ABHD12: variants seen among roughly 807,000 people sequenced by gnomAD.
ABHD12 encodes abhydrolase domain containing 12, lysophospholipase, also known as lysophosphatidylserine lipase ABHD12.
In ABHD12, 43 loss-of-function variants were observed where a neutral mutation model predicts 58.3. The ratio of observed to expected loss-of-function variants is 0.74; its 90% confidence interval spans 0.58 to 0.95. The LOEUF (loss-of-function observed/expected upper bound fraction) is 0.95, where lower values mean the gene tolerates loss of function less well. Among genes scored for constraint, ABHD12 ranks in the 40% least tolerant of loss-of-function variants. The probability of loss-of-function intolerance (pLI) is 0.00; values close to 1 mark genes in which losing one functional copy is unlikely to be tolerated. For missense variants in ABHD12, 539 were observed against 537.2 expected (o/e 1.00, Z -0.03); for synonymous variants, 219 against 211.2 (o/e 1.04, Z -0.32).
intron 1 of ABHD12, chr20:25,368,541 ACT>A (rs1262325237): frequency 7.0e-7 from 1 of 1,437,520 alleles, no homozygotes; most frequent in Non-Finnish European, 9.8e-7. Context: ...CCGTAAATGG[ACT>A]TGCCACCAGT....
At chr20:25,390,476 GGCCCCCCCC>G in intron 1 of ABHD12, 28 bp downstream of exon 1, 12 of 1,031,656 alleles carry the variant, frequency 1.2e-5, no homozygotes, top group African/African-American at 4.6e-5. Context: ...GTGAGGGACC[GGCCCCCCCC>G]CCCCCCCCGC....
At chr20:25,352,983 G>A (rs558629937) in intron 1 of ABHD12, among the ~76,000 whole-genome samples, 1 of 152,308 alleles carries the variant, frequency 6.6e-6, no homozygotes, top group South Asian at 2.1e-4. Flanking sequence ...CTGCACTCAA[G>A]CCTGGGCAAG....
intron 3 of ABHD12, among the ~76,000 whole-genome samples, chr20:25,322,364 T>G (rs912998821): frequency 1.8e-5 from 1 of 54,122 alleles, no homozygotes; most frequent in East Asian, 2.8e-4. Flanking sequence ...TTGGAAAAGA[T>G]ATATATATAT....
At position 25,300,800 on chromosome 20, in the gene ABHD12, C is replaced by G. The variant is rs200450758; in HGVS notation, c.*45G>C. 6.0e-5 allele frequency: 97 copies of G among 1,613,714 alleles called. 1 individual carries two copies. In the South Asian group the frequency reaches 1.0e-3, roughly 17 times the overall value. On this transcript the variant is annotated 3_prime_UTR_variant, in exon 13 of 13. Transcript: ENST00000339157. ...TACCGGGCTGCTGACTGGAGGAAAA[C>G]GGGAGGAGGGCAGAGGTCTTCATGC...
chr20:25,308,111 G>T, intron 8 of ABHD12, 66 bp from the exon 9 acceptor site: 1 of 1,124,748 alleles, frequency 8.9e-7, no homozygotes, highest in Non-Finnish European at 1.4e-6. Context: ...GGCCTGTGGG[G>T]CTCTGAGGGG....
chr20:25,363,568 A>C (rs2089781575), intron 1 of ABHD12, among the ~76,000 whole-genome samples: 3 of 152,222 alleles, frequency 2.0e-5, no homozygotes, highest in South Asian at 4.2e-4. Flanking sequence ...GCCTTTAATC[A>C]ATATTTAATT....
chr20:25,314,962 A>C lies in ABHD12; in HGVS notation c.582T>G (p.Ser194Arg). 6.2e-7 allele frequency: 1 copy of C among 1,614,202 alleles called. No homozygotes were observed. The highest frequency in any genetic ancestry group is 8.5e-7 in the Non-Finnish European group (1 of 1,180,018). The change falls in exon 6 of 13, where the codon AGT becomes AGG. Residue 194 changes from serine (S) to arginine (R), a missense_variant. By Grantham distance (110) the Ser-to-Arg change is moderately radical (BLOSUM62 -1). Coordinates refer to ENST00000339157, the MANE Select transcript of ABHD12 (RefSeq NM_001042472.3). Reference sequence around the variant, plus strand: ...AGGTGACCACATGGTAACCAAGGGAACTCAGCACCTGTAAAGTGAAAAATA... The same window carrying C: ...AGGTGACCACATGGTAACCAAGGGACCTCAGCACCTGTAAAGTGAAAAATA... ...DHRVELYKVL[S>R]SLGYHVVTFD... is the part of the protein sequence containing the mutation.
At chr20:25,346,053 C>A (rs1340094596) in intron 1 of ABHD12, among the ~76,000 whole-genome samples, 6 of 151,898 alleles carry the variant, frequency 4.0e-5, no homozygotes, top group Non-Finnish European at 7.4e-5. Context: ...TATAAGATAA[C>A]CAAGGTAAGA....
chr20:25,361,823 C>T (rs980616546), intron 1 of ABHD12, among the ~76,000 whole-genome samples: 15 of 151,944 alleles, frequency 9.9e-5, no homozygotes, highest in South Asian at 2.1e-4. Flanking sequence ...GGCGTGGTGG[C>T]GGGCGCCTGT....
chr20:25,337,609 A>T (rs1422234810), intron 2 of ABHD12, among the ~76,000 whole-genome samples: 2 of 152,228 alleles, frequency 1.3e-5, no homozygotes, highest in African/African-American at 4.8e-5. Context: ...AATGCACCCC[A>T]CACCCTCCCT....
chr20:25,303,489 C>T, intron 11 of ABHD12, 61 bp downstream of exon 11: 2 of 1,600,106 alleles, frequency 1.2e-6, no homozygotes, highest in Non-Finnish European at 1.7e-6. Flanking sequence ...CAGCCTGGTC[C>T]ACCCACACTG....
chr20:25,321,592 C>T (rs911751010), intron 3 of ABHD12, among the ~76,000 whole-genome samples: 6 of 152,254 alleles, frequency 3.9e-5, no homozygotes, highest in African/African-American at 1.4e-4. Context: ...TGCCTTGACA[C>T]TTGCCACTGA....
intron 1 of ABHD12, 36 bp downstream of exon 1, chr20:25,390,477 G>GCCCCCCCCCCCCCCCCCCCCCCCCCCC: frequency 2.0e-5 from 2 of 98,522 alleles, no homozygotes; most frequent in Non-Finnish European, 1.3e-5. Context: ...TGAGGGACCG[G>GCCCCCCCCCCCCCCCCCCCCCCCCCCC]CCCCCCCCCC....
chr20:25,308,071 A>G, intron 8 of ABHD12, 26 bp from the exon 9 acceptor site: 1 of 1,489,152 alleles, frequency 6.7e-7, no homozygotes, highest in Non-Finnish European at 9.4e-7. Flanking sequence ...GGGAACTGAG[A>G]GGTAGGCAGG....
intron 1 of ABHD12, 26 bp from the exon 2 acceptor site, chr20:25,339,377 T>G: frequency 6.2e-7 from 1 of 1,613,900 alleles, no homozygotes; most frequent in Non-Finnish European, 8.5e-7. Context: ...AATGAATAGG[T>G]CAGAAGGCAG....
At chr20:25,297,375 G>A (rs1157855246), downstream of ABHD12, 2 of 152,432 alleles carry the variant, frequency 1.3e-5, no homozygotes, top group African/African-American at 4.8e-5. Context: ...TTTTGTGCTT[G>A]AGGAGGCCCA....
chr20:25,294,942 C>T (rs748316078), exon 13 of ABHD12: 3 of 1,613,588 alleles, frequency 1.9e-6, no homozygotes, highest in Admixed American at 1.7e-5. Context: ...GTCTGCTGCT[C>T]TTCGATGACC....
chr20:25,340,737 T>A (rs1162909988), intron 1 of ABHD12, among the ~76,000 whole-genome samples: 1 of 152,164 alleles, frequency 6.6e-6, no homozygotes, highest in Admixed American at 6.5e-5. Context: ...AAATAAGACA[T>A]CCACAAAAGA....
At chr20:25,323,283 T>C in intron 3 of ABHD12, 42 bp downstream of exon 3, 2 of 1,333,778 alleles carry the variant, frequency 1.5e-6, no homozygotes, top group South Asian at 2.3e-5. Context: ...TGTAGGGTCC[T>C]TTCCTGCTGC....
Sources: gnomAD v4.1 joint callset for allele counts (sites outside exome capture counted in the v4.1 genomes callset) on GRCh38, gnomAD v4.1.1 for gene constraint, MANE v1.5 for transcripts, NCBI Gene and HGNC (gene_info 2026-07-23, HGNC 2026-07-21) for gene names.